SENP1: variants seen among roughly 807,000 people sequenced by gnomAD.
The protein encoded by SENP1 is SUMO specific peptidase 1.
SENP1 carries 21 observed loss-of-function variants against 93.0 expected under a neutral mutation model. The observed-to-expected ratio is 0.23, with a 90% CI of 0.16 to 0.33. The LOEUF (loss-of-function observed/expected upper bound fraction) is 0.33. Ranked by LOEUF, SENP1 falls within the 10% of genes least tolerant of loss-of-function variation. The pLI is 1.00. For synonymous variants in SENP1, 256 were observed against 259.6 expected, an observed-to-expected ratio of 0.99 and a Z score of 0.13; for missense variants, 591 against 758.7, an observed-to-expected ratio of 0.78 and a Z score of 2.60.
At chr12:48,048,660 T>C (rs1941555037) in intron 14 of SENP1, among the ~76,000 whole-genome samples, 1 of 152,074 alleles carries the variant, frequency 6.6e-6, no homozygotes, top group South Asian at 2.1e-4. Flanking sequence ...AGTCACTTTT[T>C]TTCCCCCATG....
At chr12:48,058,333 T>C (rs187269012) in intron 13 of SENP1, among the ~76,000 whole-genome samples, 16 of 152,326 alleles carry the variant, frequency 1.1e-4, no homozygotes, top group Admixed American at 1.0e-3. Context: ...ACGTAGATAA[T>C]TTACATTTAA....
intron 6 of SENP1, among the ~76,000 whole-genome samples, chr12:48,078,317 T>TATATATATATATATATATATATATATA (rs1944242485): frequency 1.4e-5 from 1 of 70,742 alleles, no homozygotes; most frequent in African/African-American, 4.9e-5. Flanking sequence ...CTGTAGGATT[T>TATATATATATATATATATATATATATA]TATATATATA....
chr12:48,065,114 T>C lies in SENP1; in HGVS notation c.1226A>G (p.Lys409Arg). The change falls in exon 12 of 18, where the codon AAA becomes AGA. Residue 409 changes from lysine to arginine, a missense_variant. Coordinates refer to ENST00000549518, the MANE Select transcript of SENP1 (RefSeq NM_001267594.2). Reference protein sequence around the residue: ...PVTVVQETQKKGHKLTDSEDE... With the variant: ...PVTVVQETQKRGHKLTDSEDE... The stretch of plus-strand genomic sequence containing the variant: ...TTCACTATCAGTTAATTTATGACCT[T>C]TTTTTTGTGTTTCTTGGACAACAGT... The C allele has an allele frequency of 7.5e-6, 12 of 1,609,732 alleles. No homozygotes were observed. The highest frequency in any genetic ancestry group is 1.0e-5 in the Non-Finnish European group (12 of 1,176,114).
chr12:48,067,662 C>T (rs1467455699), intron 9 of SENP1, among the ~76,000 whole-genome samples: 3 of 152,090 alleles, frequency 2.0e-5, no homozygotes, highest in African/African-American at 7.2e-5. Context: ...AACAGAGCAT[C>T]AAATTGGGAG....
At chr12:48,070,573 T>C (rs1214963814) in intron 9 of SENP1, among the ~76,000 whole-genome samples, 1 of 152,186 alleles carries the variant, frequency 6.6e-6, no homozygotes, top group Non-Finnish European at 1.5e-5. Context: ...ATATTTATAC[T>C]AGTACCTGGC....
At chr12:48,093,540 T>TC (rs1945352741) in intron 4 of SENP1, among the ~76,000 whole-genome samples, 1 of 152,002 alleles carries the variant, frequency 6.6e-6, no homozygotes, top group Non-Finnish European at 1.5e-5. Context: ...CGCCTTGGCC[T>TC]CCCAAAGTGT....
At position 48,057,672 on chromosome 12, in the gene SENP1, G is replaced by A. The variant is rs1012369893; in HGVS notation, c.1407+6038C>T. Among the ~76,000 whole-genome samples, 13 of 149,942 alleles carry A rather than the reference G, an allele frequency of 8.7e-5. No homozygotes were observed. In the East Asian group the frequency reaches 9.7e-4, roughly 11 times the overall value. ...GTCATCCAGGCTGGAGTACAGTGGCGCGATCTCAGCTCACTGCAACCTCTG... is the reference window on the plus strand; with the variant it reads ...GTCATCCAGGCTGGAGTACAGTGGCACGATCTCAGCTCACTGCAACCTCTG... On this transcript the variant is annotated intron_variant, in intron 13 of 17. Transcript: ENST00000549518.
At chr12:48,062,230 C>T (rs888607960) in intron 13 of SENP1, among the ~76,000 whole-genome samples, 2 of 152,150 alleles carry the variant, frequency 1.3e-5, no homozygotes, top group African/African-American at 4.8e-5. Context: ...TAACTGACCT[C>T]GCACCACCAG....
chr12:48,096,306 G>T (rs748156197), intron 4 of SENP1, 37 bp downstream of exon 4: 1 of 1,189,468 alleles, frequency 8.4e-7, no homozygotes, highest in South Asian at 1.3e-5. Flanking sequence ...AAATCCAAAA[G>T]GTATAAAGTC....
chr12:48,079,994 A>G (rs1944396687), intron 6 of SENP1: 1 of 152,260 alleles, frequency 6.6e-6, no homozygotes, highest in Non-Finnish European at 1.5e-5. Context: ...AAAGTCCAGT[A>G]TCTTAAAATG....
At chr12:48,064,213 T>C (rs978930976) in intron 12 of SENP1, among the ~76,000 whole-genome samples, 4 of 152,210 alleles carry the variant, frequency 2.6e-5, no homozygotes, top group African/African-American at 9.6e-5. Flanking sequence ...TCATAAAAGG[T>C]AGTAAGAGAG....
Position 48,065,613 on chromosome 12 carries a change from A to G in SENP1, c.1102T>C (p.Leu368=). 1.3e-6 allele frequency: 2 copies of G among 1,557,572 alleles called. No individual in the cohort carries two copies. Among genetic ancestry groups the G allele is most frequent in the Middle Eastern group, 3.3e-4 (2 of 5,988 alleles). The change falls in exon 11 of 18, where the codon TTA becomes CTA. Residue 368 remains leucine (L), a synonymous_variant. Coordinates refer to ENST00000549518, the MANE Select transcript of SENP1 (RefSeq NM_001267594.2). Reference sequence around the variant, plus strand: ...TTTTTTACCTGGTTTTGAAGCTGTAAGGCCAATGCCTTCTGTTCTTCAATC... The same window carrying G: ...TTTTTTACCTGGTTTTGAAGCTGTAGGGCCAATGCCTTCTGTTCTTCAATC... ...RQIEEQKALA[L]QLQNQRLQER... is the part of the protein sequence containing the mutation.
chr12:48,092,857 A>C (rs773821736), intron 4 of SENP1, among the ~76,000 whole-genome samples: 2 of 152,238 alleles, frequency 1.3e-5, no homozygotes, highest in Non-Finnish European at 2.9e-5. Flanking sequence ...TTAGGACTTA[A>C]GATAATCTTA....
At chr12:48,063,631 G>A in intron 13 of SENP1, 79 bp downstream of exon 13, 1 of 1,430,854 alleles carries the variant, frequency 7.0e-7, no homozygotes, top group Non-Finnish European at 9.6e-7. Flanking sequence ...ACCACATTTT[G>A]AGAAAAAGTG....
chr12:48,098,318 T>A (rs1390815122), intron 2 of SENP1, among the ~76,000 whole-genome samples, 194 bp from the exon 3 acceptor site: 1 of 151,502 alleles, frequency 6.6e-6, no homozygotes, highest in Non-Finnish European at 1.5e-5. Context: ...CTAGGCAACA[T>A]AGTAAGACCC....
At chr12:48,078,334 T>TATATATATATATATATATACACACAC in intron 6 of SENP1, among the ~76,000 whole-genome samples, 1 of 67,910 alleles carries the variant, frequency 1.5e-5, no homozygotes, top group African/African-American at 4.9e-5. Flanking sequence ...TATATATATA[T>TATATATATATATATATATACACACAC]ACACACACAT....
At chr12:48,089,124 G>A in intron 4 of SENP1, 164 bp from the exon 5 acceptor site, 2 of 1,574,812 alleles carry the variant, frequency 1.3e-6, no homozygotes, top group Non-Finnish European at 1.7e-6. Flanking sequence ...CTGCAGTAGG[G>A]GAACTTCTAC....
At position 48,063,807 on chromosome 12, in the gene SENP1, T is replaced by C; in HGVS notation, c.1310A>G (p.Asn437Ser). Reference protein sequence around the residue: ...MEKEIKNVFRNGNQDEVLSEA... With the variant: ...MEKEIKNVFRSGNQDEVLSEA... ...ACTGAGAACTTCATCCTGATTCCCATTACGAAATACATTCTTTATTTCTTT... is the reference window on the plus strand; with the variant it reads ...ACTGAGAACTTCATCCTGATTCCCACTACGAAATACATTCTTTATTTCTTT... The change falls in exon 13 of 18, where the codon AAT becomes AGT. Residue 437 changes from asparagine (N) to serine (S), a missense_variant. Coordinates refer to ENST00000549518, the MANE Select transcript of SENP1 (RefSeq NM_001267594.2). The C allele has an allele frequency of 6.2e-7, 1 of 1,612,674 alleles. No individual in the cohort carries two copies. Among genetic ancestry groups the C allele is most frequent in the Non-Finnish European group, 8.5e-7 (1 of 1,179,376 alleles).
chr12:48,065,042 GA>G, intron 12 of SENP1, 22 bp downstream of exon 12: 1 of 1,475,358 alleles, frequency 6.8e-7, no homozygotes, highest in South Asian at 1.1e-5. Flanking sequence ...TAGTAGTGTA[GA>G]AATTAAGTGT....
Sources: gnomAD v4.1 joint callset for allele counts (sites outside exome capture counted in the v4.1 genomes callset) on GRCh38, gnomAD v4.1.1 for gene constraint, MANE v1.5 for transcripts, NCBI Gene and HGNC (gene_info 2026-07-23, HGNC 2026-07-21) for gene names.